The following ZC2HC1A variants were observed in gnomAD, a reference collection of about 807,000 sequenced individuals.
ZC2HC1A encodes the protein zinc finger C2HC-type containing 1A.
In ZC2HC1A, 28 loss-of-function variants were observed where a neutral mutation model predicts 40.7. The ratio of observed to expected loss-of-function variants is 0.69; its 90% CI spans 0.51 to 0.94. The LOEUF is 0.94. Ranked by LOEUF, ZC2HC1A falls within the 40% of genes least tolerant of loss-of-function variation. The pLI is 0.00. For synonymous variants in ZC2HC1A, 129 were observed against 129.2 expected (o/e 1.00, Z 0.01); for missense variants, 389 against 386.3 (o/e 1.01, Z -0.06).
intron 5 of ZC2HC1A, among the ~76,000 whole-genome samples, chr8:78,695,291 A>G (rs1380002346): frequency 6.6e-6 from 1 of 152,140 alleles, no homozygotes; most frequent in Non-Finnish European, 1.5e-5. Context: ...AAAGCAAAAC[A>G]TTTTTTGGAG....
At chr8:78,715,377 G>A (rs779424018) in intron 8 of ZC2HC1A, 49 bp downstream of exon 8, 2 of 1,508,924 alleles carry the variant, frequency 1.3e-6, no homozygotes, top group Non-Finnish European at 1.8e-6. Context: ...TTGAGTATAT[G>A]ATAGTTTTCC....
chr8:78,680,097 A>G (rs889951117), intron 3 of ZC2HC1A, among the ~76,000 whole-genome samples: 3 of 152,094 alleles, frequency 2.0e-5, no homozygotes, highest in Non-Finnish European at 4.4e-5. Context: ...TAACATGGTG[A>G]TAGTAGTAGT....
intron 3 of ZC2HC1A, among the ~76,000 whole-genome samples, chr8:78,682,904 A>G (rs957852810): frequency 3.3e-5 from 5 of 152,220 alleles, no homozygotes; most frequent in African/African-American, 1.2e-4. Flanking sequence ...GAAATGGGCC[A>G]AAACAAAGGG....
chr8:78,712,117 G>T (rs1482468156), intron 7 of ZC2HC1A: 5 of 1,265,524 alleles, frequency 4.0e-6, no homozygotes, highest in Non-Finnish European at 5.2e-6. Flanking sequence ...GTAAGTATTT[G>T]TAACTCAGTT....
At chr8:78,682,685 A>G (rs533250849) in intron 3 of ZC2HC1A, among the ~76,000 whole-genome samples, 1 of 152,270 alleles carries the variant, frequency 6.6e-6, no homozygotes, top group East Asian at 1.9e-4. Flanking sequence ...CCCAAATTTC[A>G]TGCCCTCACA....
chr8:78,707,098 G>A lies in ZC2HC1A; in HGVS notation c.705-8123G>A, dbSNP rs72661333. Among the ~76,000 whole-genome samples, 560 of 152,248 alleles carry A rather than the reference G, an allele frequency of 3.7e-3. 2 individuals carry two copies. Among genetic ancestry groups the A allele is most frequent in the Non-Finnish European group, 6.5e-3 (441 of 68,006 alleles). ...TCATTGGATGATTAAGTGAAGTATA[G>A]ACATAGCAATATGTGCTTTAATTTT... is the stretch of plus-strand genomic sequence containing the variant. On this transcript the variant is annotated intron_variant, in intron 7 of 8. Transcript: ENST00000263849.
chr8:78,704,119 C>T (rs1025649337), intron 7 of ZC2HC1A, among the ~76,000 whole-genome samples: 2 of 151,968 alleles, frequency 1.3e-5, no homozygotes, highest in Non-Finnish European at 2.9e-5. Flanking sequence ...TGGTGGCTCA[C>T]GCCTGTAATC....
rs900010688 is a variant in ZC2HC1A at position 78,718,606 on chromosome 8, G to A, written c.*1113G>A. 3.3e-5 allele frequency: 5 copies of A among 151,448 alleles called. No individual in the cohort carries two copies. Among genetic ancestry groups the A allele is most frequent in the African/African-American group, 4.8e-5 (2 of 41,284 alleles). The allele number at this position is 151,448 out of a possible 1,614,324, so 9.4% of individuals were successfully genotyped here. On this transcript the variant is annotated 3_prime_UTR_variant, in exon 9 of 9. Transcript: ENST00000263849. The stretch of plus-strand genomic sequence containing the variant: ...CATTTAATGTTGAAACACCATTCAC[G>A]TCACATTAAGGACCCACTGAAAATG...
chr8:78,707,458 C>T (rs1190431462), intron 7 of ZC2HC1A, among the ~76,000 whole-genome samples: 1 of 152,208 alleles, frequency 6.6e-6, no homozygotes, highest in Non-Finnish European at 1.5e-5. Flanking sequence ...ACTGTGACAA[C>T]ATCTGTGACT....
At chr8:78,701,335 T>C (rs543787699) in intron 7 of ZC2HC1A, among the ~76,000 whole-genome samples, 1 of 152,332 alleles carries the variant, frequency 6.6e-6, no homozygotes, top group East Asian at 1.9e-4. Context: ...TTTTTGCACA[T>C]TGATTTTAGA....
intron 5 of ZC2HC1A, among the ~76,000 whole-genome samples, chr8:78,691,021 T>C (rs1455455472): frequency 3.3e-5 from 5 of 152,180 alleles, no homozygotes; most frequent in Non-Finnish European, 7.4e-5. Flanking sequence ...ATGTCACCTA[T>C]AAATAAGGAC....
chr8:78,700,158 T>C (rs1810554317), intron 7 of ZC2HC1A, among the ~76,000 whole-genome samples: 1 of 152,208 alleles, frequency 6.6e-6, no homozygotes, highest in Non-Finnish European at 1.5e-5. Context: ...CAGCAGCCAT[T>C]CTGACTAGTG....
intron 7 of ZC2HC1A, among the ~76,000 whole-genome samples, chr8:78,704,893 A>C (rs1186195156): frequency 6.6e-6 from 1 of 152,068 alleles, no homozygotes; most frequent in Non-Finnish European, 1.5e-5. Context: ...CTCTTCTGCT[A>C]TTAATACTTG....
chr8:78,680,200 G>C (rs140275622), intron 3 of ZC2HC1A, among the ~76,000 whole-genome samples: 1 of 146,258 alleles, frequency 6.8e-6, no homozygotes, highest in Admixed American at 7.2e-5. Flanking sequence ...ATAAGGAATT[G>C]GGGTTGTAAA....
chr8:78,687,531 T>C (rs888556110), intron 4 of ZC2HC1A, among the ~76,000 whole-genome samples: 7 of 144,044 alleles, frequency 4.9e-5, no homozygotes, highest in Admixed American at 4.3e-4. Context: ...TAATAAATTA[T>C]ATATTTATAT....
chr8:78,719,567 G>C lies in ZC2HC1A; in HGVS notation c.*2074G>C, dbSNP rs1811200251. 1 of 151,618 alleles carries C rather than the reference G, an allele frequency of 6.6e-6. No individual in the cohort carries two copies. Among genetic ancestry groups the C allele is most frequent in the South Asian group, 2.1e-4 (1 of 4,828 alleles). The allele number at this position is 151,618 out of a possible 1,614,324, so 9.4% of individuals were successfully genotyped here. A position where few individuals can be genotyped will look rare whatever the true frequency, so the allele number is the denominator to read the frequency against. On this transcript the variant is annotated 3_prime_UTR_variant, in exon 9 of 9. Coordinates refer to ENST00000263849, the MANE Select transcript of ZC2HC1A (RefSeq NM_016010.3). Reference sequence around the variant, plus strand: ...ATTTTATTTTTATTTATTTTCACAAGTATTTGACAGTATGGTAGAATAAAA... The same window carrying C: ...ATTTTATTTTTATTTATTTTCACAACTATTTGACAGTATGGTAGAATAAAA...
At chr8:78,692,116 G>A (rs1332263080) in intron 5 of ZC2HC1A, among the ~76,000 whole-genome samples, 1 of 152,088 alleles carries the variant, frequency 6.6e-6, no homozygotes, top group African/African-American at 2.4e-5. Flanking sequence ...ACCATGCTAT[G>A]CAGTATATCT....
chr8:78,690,609 A>G (rs1810179025), intron 5 of ZC2HC1A, among the ~76,000 whole-genome samples: 2 of 152,016 alleles, frequency 1.3e-5, no homozygotes, highest in South Asian at 2.1e-4. Context: ...TTATATATAC[A>G]TTTTATAATT....
intron 1 of ZC2HC1A, among the ~76,000 whole-genome samples, chr8:78,670,642 G>A (rs1333036017): frequency 6.6e-6 from 1 of 152,122 alleles, no homozygotes; most frequent in African/African-American, 2.4e-5. Flanking sequence ...ATGCAGCCAG[G>A]AATGAACTTA....
Sources: allele counts gnomAD v4.1 joint callset (sites outside exome capture counted in the v4.1 genomes callset), GRCh38; gene constraint gnomAD v4.1.1; transcripts MANE v1.5; gene names NCBI Gene and HGNC (gene_info 2026-07-23, HGNC 2026-07-21).